The following CHAC1 variants were observed in gnomAD, a reference collection of about 807,000 sequenced individuals.
The protein encoded by CHAC1 is ChaC glutathione specific gamma-glutamylcyclotransferase 1, also known as glutathione-specific gamma-glutamylcyclotransferase 1.
A neutral mutation model predicts 22.1 loss-of-function variants in CHAC1; 22 were observed. The ratio of observed to expected loss-of-function variants is 1.00; its 90% CI spans 0.71 to 1.42. The LOEUF is 1.42. CHAC1 is among the 40% of genes most tolerant of loss of function. The probability of loss-of-function intolerance (pLI) is 0.00; values close to 1 mark genes in which losing one functional copy is unlikely to be tolerated. For missense variants in CHAC1, 272 were observed against 299.2 expected, an observed-to-expected ratio of 0.91 and a Z score of 0.67; for synonymous variants, 145 against 128.7, an observed-to-expected ratio of 1.13 and a Z score of -0.86.
Position 40,955,983 on chromosome 15 carries a change from A to C in CHAC1, c.*209A>C. On this transcript the variant is annotated 3_prime_UTR_variant, in exon 3 of 3. Transcript: ENST00000617768. ...TACTTGAAACTTTATTTATTGCACC[A>C]TGTTGGTGTGGTGGGCAGGTGGAGG... 1 of 588,196 alleles carries C rather than the reference A, an allele frequency of 1.7e-6. No homozygotes were observed. 36.4% of individuals were successfully genotyped at this position (588,196 alleles called of 1,614,324 possible).
rs1311487761 is a variant in CHAC1 at position 40,955,514 on chromosome 15, C to T, written c.409C>T (p.Pro137Ser). The change falls in exon 3 of 3, where the codon CCA (proline) becomes TCA (serine). Residue 137 changes from proline to serine, a missense_variant. By Grantham distance (74) the Pro-to-Ser change is moderately conservative. Transcript: ENST00000617768. ...CTATCCCCAAGATGCTCCTGACCAA[C>T]CACTGAAGGCATTGGCCTATGTGGC... ...TFYPQDAPDQ[P>S]LKALAYVATP... 2 of 1,614,196 alleles carry T rather than the reference C, an allele frequency of 1.2e-6. No homozygotes were observed.
rs551714246 is a variant in CHAC1, at chr15:40,955,690, C to T, written c.585C>T (p.Asp195=). 4.3e-5 allele frequency: 70 copies of T among 1,609,610 alleles called. No homozygotes were observed. Among genetic ancestry groups the T allele is most frequent in the South Asian group, 3.5e-4 (32 of 91,090 alleles). The change falls in exon 3 of 3, where the codon GAC becomes GAT. Residue 195 remains aspartate, a synonymous_variant. Transcript: ENST00000617768. ...FMQLCGPQAQ[D]EHLAAIVDAV... Reference sequence around the variant, plus strand: ...AGCTCTGTGGGCCTCAGGCGCAGGACGAGCACCTGGCAGCCATCGTGGACG... The same window carrying T: ...AGCTCTGTGGGCCTCAGGCGCAGGATGAGCACCTGGCAGCCATCGTGGACG...
rs1404374250 is a variant in CHAC1 at position 40,953,789 on chromosome 15, C to T, written c.206C>T (p.Thr69Ile). The change falls in exon 1 of 3, where the codon ACC (threonine) becomes ATC (isoleucine). Residue 69 changes from threonine to isoleucine, a missense_variant. Transcript: ENST00000617768. ...GYSRRFWQGD[T>I]FHRGSDKMPG... The stretch of plus-strand genomic sequence containing the variant: ...AGCCGCCGTTTCTGGCAGGGAGACA[C>T]CTTCCATCGGGGCAGCGACAAGATG... 4 of 1,595,402 alleles carry T rather than the reference C, an allele frequency of 2.5e-6. No homozygotes were observed. Among genetic ancestry groups the T allele is most frequent in the African/African-American group, 1.3e-5 (1 of 74,906 alleles).
rs776679507 is a variant in CHAC1 at position 40,953,746 on chromosome 15, G to A, written c.163G>A (p.Gly55Ser). ...CTTCGCCTACAGCGACAGCCGTGTG[G>A]GCTTCGTGCGCGGCTACAGCCGCCG... The part of the protein sequence containing the change: ...PDFAYSDSRV[G>S]FVRGYSRRFW... The change falls in exon 1 of 3, where the codon GGC (glycine) becomes AGC (serine). Residue 55 changes from glycine to serine, a missense_variant. Physicochemically the swap from Gly to Ser is moderately conservative, Grantham distance 56. Coordinates refer to ENST00000617768, the MANE Select transcript of CHAC1 (RefSeq NM_024111.6). 28 of 1,601,890 alleles carry A rather than the reference G, an allele frequency of 1.7e-5. No homozygotes were observed. The Admixed American group carries it at 3.5e-4, about 20-fold the overall frequency.
Position 40,953,716 on chromosome 15 carries a change from C to A in CHAC1, c.133C>A (p.Pro45Thr). The A allele has an allele frequency of 6.2e-7, 1 of 1,605,094 alleles. No homozygotes were observed. The part of the protein sequence containing the change: ...IFGYGSLVWR[P>T]DFAYSDSRVG... Reference sequence around the variant, plus strand: ...CGGGTACGGCTCCCTGGTGTGGAGGCCCGACTTCGCCTACAGCGACAGCCG... The same window carrying A: ...CGGGTACGGCTCCCTGGTGTGGAGGACCGACTTCGCCTACAGCGACAGCCG... Residue 45 changes from proline (P) to threonine (T), a missense_variant, in exon 1 of 3, where the codon CCC becomes ACC. Physicochemically the swap from Pro to Thr is conservative, Grantham distance 38. Transcript: ENST00000617768.
chr15:40,955,262 C>A, intron 2 of CHAC1, 111 bp from the exon 3 acceptor site: 1 of 1,220,748 alleles, frequency 8.2e-7, no homozygotes, highest in Non-Finnish European at 1.2e-6. Context: ...ATCAGCCGAC[C>A]ACAGCCTCCC....
chr15:40,955,967 C>G lies in CHAC1; in HGVS notation c.*193C>G, dbSNP rs1596210024. On this transcript the variant is annotated 3_prime_UTR_variant, in exon 3 of 3. Transcript: ENST00000617768. ...CTTGACACTGACTTACTACTTGAAA[C>G]TTTATTTATTGCACCATGTTGGTGT... 8 of 624,284 alleles carry G rather than the reference C, an allele frequency of 1.3e-5. No homozygotes were observed. In the East Asian group the frequency reaches 2.2e-4, roughly 17 times the overall value. 38.7% of individuals were successfully genotyped at this position (624,284 alleles called of 1,614,324 possible).
rs749243527 is a variant in CHAC1 at position 40,953,503 on chromosome 15, G to A, written c.-81G>A. The A allele has an allele frequency of 4.4e-6, 7 of 1,588,438 alleles. No homozygotes were observed. The highest frequency in any genetic ancestry group is 1.7e-5 in the Admixed American group (1 of 58,242). ...GCTACCGAGCGGTGCCAGGCCAGGT[G>A]TGTGCGTCCGTCGGTCTTTCCGTGC... On this transcript the variant is annotated 5_prime_UTR_variant, in exon 1 of 3. In the 5' UTR this introduces an upstream ATG that the reference lacks. Coordinates refer to ENST00000617768, the MANE Select transcript of CHAC1 (RefSeq NM_024111.6).
chr15:40,953,676 A>C lies in CHAC1; in HGVS notation c.93A>C (p.Gln31His), dbSNP rs1893158705. Residue 31 changes from glutamine (Q) to histidine (H), a missense_variant, in exon 1 of 3, where the codon CAA becomes CAC. Gln to His is a conservative substitution (Grantham distance 24). Coordinates refer to ENST00000617768, the MANE Select transcript of CHAC1 (RefSeq NM_024111.6). ...AQFPRNDGDP[Q>H]ALWIFGYGSL... ...TCCCCCGAAACGACGGCGACCCTCA[A>C]GCGCTGTGGATTTTCGGGTACGGCT... 20 of 1,608,264 alleles carry C rather than the reference A, an allele frequency of 1.2e-5. No individual in the cohort carries two copies. Among genetic ancestry groups the C allele is most frequent in the Admixed American group, 1.7e-5 (1 of 59,996 alleles).
Position 40,953,598 on chromosome 15 carries a change from T to C in CHAC1, c.15T>C (p.Ser5=). 1 of 1,610,190 alleles carries C rather than the reference T, an allele frequency of 6.2e-7. No homozygotes were observed. Among genetic ancestry groups the C allele is most frequent in the East Asian group, 2.2e-5 (1 of 44,868 alleles). MKQE[S]AAPNTPPTSQ... The stretch of plus-strand genomic sequence containing the variant: ...TGCCAGGCACCATGAAGCAGGAGTC[T>C]GCAGCCCCGAACACCCCGCCCACCT... The change falls in exon 1 of 3, where the codon TCT becomes TCC. Residue 5 remains serine (S), a synonymous_variant. Transcript: ENST00000617768.
chr15:40,954,804 A>G (rs1025275993), intron 2 of CHAC1, among the ~76,000 whole-genome samples: 2 of 151,616 alleles, frequency 1.3e-5, no homozygotes, highest in African/African-American at 4.9e-5. Flanking sequence ...GAGTTTCACC[A>G]TATTGGCCAG....
chr15:40,954,462 A>G (rs1893183353), intron 2 of CHAC1, among the ~76,000 whole-genome samples, 199 bp downstream of exon 2: 1 of 152,220 alleles, frequency 6.6e-6, no homozygotes, highest in South Asian at 2.1e-4. Context: ...TAGCATGAGA[A>G]TGGGTCCTGA....
intron 1 of CHAC1, 69 bp from the exon 2 acceptor site, chr15:40,954,159 A>T: frequency 6.4e-7 from 1 of 1,553,440 alleles, no homozygotes; most frequent in South Asian, 1.1e-5. Context: ...GGGATTGATA[A>T]AGGTTTCCTT....
In CHAC1 at chr15:40,955,846, A is replaced by T; in HGVS notation, c.*72A>T. The stretch of plus-strand genomic sequence containing the variant: ...ACACCCACTCCAGTGCACAAGACAG[A>T]CTTGCGACCGCTTGAGCCCACTGAG... On this transcript the variant is annotated 3_prime_UTR_variant, in exon 3 of 3. Transcript: ENST00000617768. The T allele has an allele frequency of 1.5e-5, 21 of 1,442,828 alleles. No homozygotes were observed. In the South Asian group the frequency reaches 2.9e-4, roughly 20 times the overall value. 89.4% of individuals were successfully genotyped at this position (1,442,828 alleles called of 1,614,324 possible).
chr15:40,953,686 AT>A lies in CHAC1; in HGVS notation c.107del (p.Phe36SerfsTer47). The A allele has an allele frequency of 6.2e-7, 1 of 1,607,864 alleles. No homozygotes were observed. ...RNDGDPQALW[I>X]FGYGSLVWRP... ...CGACGGCGACCCTCAAGCGCTGTGG[AT>A]TTTCGGGTACGGCTCCCTGGTGTGG... On this transcript the variant is annotated frameshift_variant, in exon 1 of 3. Coordinates refer to ENST00000617768, the MANE Select transcript of CHAC1 (RefSeq NM_024111.6). LOFTEE classifies it high-confidence loss of function.
In CHAC1 at chr15:40,954,233, C is replaced by G; in HGVS notation, c.237C>G (p.Gly79=). The change falls in exon 2 of 3, where the codon GGC becomes GGG. Residue 79 remains glycine, a synonymous_variant. Coordinates refer to ENST00000617768, the MANE Select transcript of CHAC1 (RefSeq NM_024111.6). ...AATATTTCTTCCCTCCCTAGCCTGG[C>G]CGTGTGGTGACGCTCCTTGAAGATC... ...TFHRGSDKMP[G]RVVTLLEDHE... 6.2e-7 allele frequency: 1 copy of G among 1,614,046 alleles called. No individual in the cohort carries two copies. The highest frequency in any genetic ancestry group is 1.3e-5 in the African/African-American group (1 of 75,026).
chr15:40,955,967 CTTTA>C lies in CHAC1; in HGVS notation c.*200_*203del. ...CTTGACACTGACTTACTACTTGAAA[CTTTA>C]TTTATTGCACCATGTTGGTGTGGTG... On this transcript the variant is annotated 3_prime_UTR_variant, in exon 3 of 3. Coordinates refer to ENST00000617768, the MANE Select transcript of CHAC1 (RefSeq NM_024111.6). 1.6e-6 allele frequency: 1 copy of C among 624,284 alleles called. No individual in the cohort carries two copies. The highest frequency in any genetic ancestry group is 2.7e-6 in the Non-Finnish European group (1 of 364,912). The allele number at this position is 624,284 out of a possible 1,614,324, so 38.7% of individuals were successfully genotyped here.
rs1566886426 is a variant in CHAC1 at position 40,955,377 on chromosome 15, G to A, written c.272G>A (p.Cys91Tyr). The A allele has an allele frequency of 6.2e-7, 1 of 1,613,638 alleles. No homozygotes were observed. Among genetic ancestry groups the A allele is most frequent in the Non-Finnish European group, 8.5e-7 (1 of 1,179,772 alleles). The change falls in exon 3 of 3, where the codon TGC becomes TAC. Residue 91 changes from cysteine (C) to tyrosine (Y), a missense_variant. Physicochemically the swap from Cys to Tyr is radical, Grantham distance 194. Transcript: ENST00000617768. ...VVTLLEDHEG[C>Y]TWGVAYQVQG... Reference sequence around the variant, plus strand: ...GGTGTCCCTATTTCTTCCCAGGGCTGCACTTGGGGCGTGGCATACCAAGTG... The same window carrying A: ...GGTGTCCCTATTTCTTCCCAGGGCTACACTTGGGGCGTGGCATACCAAGTG...
Position 40,954,263 on chromosome 15 carries a change from G to T in CHAC1, c.267G>T (p.Glu89Asp). 6.2e-7 allele frequency: 1 copy of T among 1,614,050 alleles called. No homozygotes were observed. Among genetic ancestry groups the T allele is most frequent in the Non-Finnish European group, 8.5e-7 (1 of 1,180,006 alleles). The change falls in exon 2 of 3, where the codon GAG becomes GAT. Residue 89 changes from glutamate (E) to aspartate (D), a missense_variant and splice_region_variant. Coordinates refer to ENST00000617768, the MANE Select transcript of CHAC1 (RefSeq NM_024111.6). Reference sequence around the variant, plus strand: ...TGGTGACGCTCCTTGAAGATCATGAGGTAAGTGCCCGAATCATGAAGGGGA... The same window carrying T: ...TGGTGACGCTCCTTGAAGATCATGATGTAAGTGCCCGAATCATGAAGGGGA... ...GRVVTLLEDH[E>D]GCTWGVAYQV...
Sources: allele counts gnomAD v4.1 joint callset (sites outside exome capture counted in the v4.1 genomes callset), GRCh38; gene constraint gnomAD v4.1.1; transcripts MANE v1.5; gene names NCBI Gene and HGNC (gene_info 2026-07-23, HGNC 2026-07-21).